The following PRKN variants were observed in gnomAD, a reference collection of about 807,000 sequenced individuals.
PRKN encodes the protein parkin RBR E3 ubiquitin protein ligase, also known as E3 ubiquitin-protein ligase parkin.
In PRKN, 56 loss-of-function variants were observed where a neutral mutation model predicts 59.5. The observed-to-expected ratio is 0.94, with a 90% CI of 0.76 to 1.18. The LOEUF (loss-of-function observed/expected upper bound fraction) is 1.18, where lower values mean the gene tolerates loss of function less well. Ranked by LOEUF, PRKN falls within the 50% of genes most tolerant of loss-of-function variation. PRKN has a pLI of 0.00. For synonymous variants in PRKN, 250 were observed against 222.1 expected, an observed-to-expected ratio of 1.13 and a Z score of -1.12; for missense variants, 657 against 596.4, an observed-to-expected ratio of 1.10 and a Z score of -1.06.
chr6:162,695,978 T>C (rs1429685850), intron 1 of PRKN, among the ~76,000 whole-genome samples: 2 of 152,076 alleles, frequency 1.3e-5, no homozygotes, highest in South Asian at 2.1e-4. Context: ...GCTTGTACAA[T>C]GGGAACGCAC....
intron 2 of PRKN, among the ~76,000 whole-genome samples, chr6:162,286,814 G>A (rs1171916088): frequency 6.6e-6 from 1 of 152,072 alleles, no homozygotes; most frequent in African/African-American, 2.4e-5. Flanking sequence ...ATTTCATAAC[G>A]ACTCCTTGAA....
chr6:162,190,790 G>C (rs1784246115), intron 4 of PRKN, among the ~76,000 whole-genome samples: 1 of 152,152 alleles, frequency 6.6e-6, no homozygotes, highest in African/African-American at 2.4e-5. Flanking sequence ...CTACTATGTA[G>C]GAAGAAAAGG....
chr6:161,498,890 A>T lies in PRKN; in HGVS notation c.1083+49964T>A, dbSNP rs1777851090. Among the ~76,000 whole-genome samples, 1 of 152,208 alleles carries T rather than the reference A, an allele frequency of 6.6e-6. No homozygotes were observed. Among genetic ancestry groups the T allele is most frequent in the Non-Finnish European group, 1.5e-5 (1 of 68,040 alleles). On this transcript the variant is annotated intron_variant, in intron 9 of 11. Transcript: ENST00000366898. The surrounding 1 kb of genome is among the most constrained non-coding windows in gnomAD (Gnocchi z 4.2). Reference sequence around the variant, plus strand: ...TGCTTTGGAACACCTATACATAATAAAAGCAGAGATGGTCATGTTGAAGAG... The same window carrying T: ...TGCTTTGGAACACCTATACATAATATAAGCAGAGATGGTCATGTTGAAGAG...
intron 2 of PRKN, among the ~76,000 whole-genome samples, chr6:162,326,960 A>T (rs752180831): frequency 2.2e-4 from 33 of 152,104 alleles, no homozygotes; most frequent in Admixed American, 5.2e-4. Context: ...TTTTTCTCTA[A>T]CTCTACCCTA....
At chr6:161,713,609 G>A (rs1786844835) in intron 7 of PRKN, among the ~76,000 whole-genome samples, 1 of 152,158 alleles carries the variant, frequency 6.6e-6, no homozygotes, top group African/African-American at 2.4e-5. Flanking sequence ...TTACACCACA[G>A]CTCTTCTTCA....
chr6:162,598,960 C>T (rs1247692400), intron 1 of PRKN, among the ~76,000 whole-genome samples: 3 of 151,218 alleles, frequency 2.0e-5, no homozygotes, highest in Non-Finnish European at 4.4e-5. Flanking sequence ...AGACAAATTA[C>T]AGTACGTTCA....
chr6:162,665,488 A>G (rs1779065966), intron 1 of PRKN, among the ~76,000 whole-genome samples: 1 of 152,056 alleles, frequency 6.6e-6, no homozygotes, highest in South Asian at 2.1e-4. Context: ...GATGTGAAGG[A>G]CCTCTTCAAG....
At chr6:162,546,902 G>C (rs1461354400) in intron 1 of PRKN, among the ~76,000 whole-genome samples, 1 of 152,108 alleles carries the variant, frequency 6.6e-6, no homozygotes, top group African/African-American at 2.4e-5. Flanking sequence ...CCTTGATTCT[G>C]ACTTTTTTTC....
intron 9 of PRKN, among the ~76,000 whole-genome samples, chr6:161,433,984 T>A (rs1395890548): frequency 6.6e-6 from 1 of 151,232 alleles, no homozygotes; most frequent in Non-Finnish European, 1.5e-5. Flanking sequence ...GCCATTGCAT[T>A]CCAGCCTGGG....
intron 1 of PRKN, among the ~76,000 whole-genome samples, chr6:162,685,852 C>G (rs78645118): frequency 0.015 from 2,267 of 152,218 alleles, 62 homozygotes; most frequent in African/African-American, 0.052. Flanking sequence ...TTTTCCCTCT[C>G]AGTGGATGTC....
At chr6:161,421,196 C>T (rs957124698) in intron 9 of PRKN, among the ~76,000 whole-genome samples, 5 of 152,192 alleles carry the variant, frequency 3.3e-5, no homozygotes, top group Admixed American at 2.0e-4. Context: ...AGAGTTGAGG[C>T]ATTCCTCATC....
At chr6:162,277,976 G>A (rs1780710195) in intron 2 of PRKN, among the ~76,000 whole-genome samples, 2 of 152,198 alleles carry the variant, frequency 1.3e-5, no homozygotes, top group Admixed American at 6.5e-5. Context: ...GCACACAGAT[G>A]TTTACAGCAG....
At chr6:161,645,184 C>T (rs6916828) in intron 7 of PRKN, among the ~76,000 whole-genome samples, 109,424 of 151,614 alleles carry the variant, frequency 0.72, 41,214 homozygotes, top group African/African-American at 0.92. Flanking sequence ...AAATATATGA[C>T]TGATGATGTT....
At chr6:162,109,509 T>C (rs1379332129) in intron 4 of PRKN, among the ~76,000 whole-genome samples, 1 of 152,170 alleles carries the variant, frequency 6.6e-6, no homozygotes. Flanking sequence ...AGGGACCAGC[T>C]ATGGCTCTTC....
intron 5 of PRKN, among the ~76,000 whole-genome samples, chr6:161,991,844 AAAAAC>A (rs1185234298): frequency 1.4e-4 from 22 of 152,280 alleles, no homozygotes; most frequent in African/African-American, 5.3e-4. Flanking sequence ...CTCCGTCTCA[AAAAAC>A]AAAACAAAAC....
chr6:161,899,202 C>A (rs759049895), intron 6 of PRKN, among the ~76,000 whole-genome samples: 3 of 152,226 alleles, frequency 2.0e-5, no homozygotes, highest in Non-Finnish European at 4.4e-5. Context: ...AAATGAGAAA[C>A]TTCAGGGAGA....
chr6:162,437,665 A>C (rs1789843444), intron 2 of PRKN, among the ~76,000 whole-genome samples: 1 of 152,136 alleles, frequency 6.6e-6, no homozygotes, highest in Non-Finnish European at 1.5e-5. Context: ...ATGTTATATA[A>C]ATAAAATTAT....
chr6:162,483,585 C>G (rs572259437), intron 1 of PRKN, among the ~76,000 whole-genome samples: 1 of 150,238 alleles, frequency 6.7e-6, no homozygotes, highest in Non-Finnish European at 1.5e-5. Flanking sequence ...GAGAGGGAGA[C>G]GGGGAAAGGA....
intron 6 of PRKN, among the ~76,000 whole-genome samples, chr6:161,953,399 T>C (rs969876956): frequency 6.6e-6 from 1 of 152,220 alleles, no homozygotes; most frequent in African/African-American, 2.4e-5. Context: ...CGTGAGCCAC[T>C]GTGCCTGGCC....
Sources: allele counts gnomAD v4.1 joint callset (sites outside exome capture counted in the v4.1 genomes callset), GRCh38; gene constraint gnomAD v4.1.1; non-coding constraint Gnocchi (gnomAD v3.1); transcripts MANE v1.5; gene names NCBI Gene and HGNC (gene_info 2026-07-23, HGNC 2026-07-21).